The following TADA2A variants were observed in gnomAD, a reference collection of about 807,000 sequenced individuals.
TADA2A encodes the protein transcriptional adapter 2-alpha.
A neutral mutation model predicts 67.4 loss-of-function variants in TADA2A; 38 were observed. That is an observed-to-expected ratio of 0.56 (90% CI 0.44 to 0.74). The LOEUF (loss-of-function observed/expected upper bound fraction) is 0.74, where lower values mean the gene tolerates loss of function less well. Among genes scored for constraint, TADA2A ranks in the 30% least tolerant of loss-of-function variants. The probability of loss-of-function intolerance (pLI) is 0.00; values close to 1 mark genes in which losing one functional copy is unlikely to be tolerated. For synonymous variants in TADA2A, 192 were observed against 181.6 expected, an observed-to-expected ratio of 1.06 and a Z score of -0.46; for missense variants, 454 against 547.0, an observed-to-expected ratio of 0.83 and a Z score of 1.70.
intron 14 of TADA2A, among the ~76,000 whole-genome samples, chr17:37,472,241 C>CTT (rs1366105650): frequency 6.6e-6 from 1 of 151,650 alleles, no homozygotes; most frequent in Admixed American, 6.6e-5. Context: ...GATTTTTGTA[C>CTT]TTTCAGTAGA....
At chr17:37,471,181 G>T in intron 14 of TADA2A, 44 bp downstream of exon 14, 1 of 1,597,736 alleles carries the variant, frequency 6.3e-7, no homozygotes, top group Non-Finnish European at 8.6e-7. Flanking sequence ...TGTGAAGTTT[G>T]CATCGTAGGG....
At chr17:37,465,063 G>T (rs1299348762) in intron 10 of TADA2A, among the ~76,000 whole-genome samples, 1 of 150,804 alleles carries the variant, frequency 6.6e-6, no homozygotes, top group African/African-American at 2.4e-5. Flanking sequence ...TAGGAGAATT[G>T]CTTGAATCCA....
intron 15 of TADA2A, among the ~76,000 whole-genome samples, chr17:37,475,700 A>G (rs529270621): frequency 3.9e-5 from 6 of 152,322 alleles, no homozygotes; most frequent in African/African-American, 1.2e-4. Context: ...TCCTGACTTC[A>G]GGTGATCCAC....
At chr17:37,412,848 G>T (rs985788979) in intron 2 of TADA2A, among the ~76,000 whole-genome samples, 1 of 152,002 alleles carries the variant, frequency 6.6e-6, no homozygotes, top group African/African-American at 2.4e-5. Flanking sequence ...GGCAGAAATA[G>T]AAATTCCATT....
intron 15 of TADA2A, among the ~76,000 whole-genome samples, chr17:37,474,854 C>T (rs2053861230): frequency 6.6e-6 from 1 of 152,160 alleles, no homozygotes; most frequent in African/African-American, 2.4e-5. Flanking sequence ...TTGGGGAAAG[C>T]ACATGTGGTA....
chr17:37,421,823 C>T (rs2052239784), intron 2 of TADA2A, among the ~76,000 whole-genome samples: 1 of 27,052 alleles, frequency 3.7e-5, no homozygotes, highest in Non-Finnish European at 5.3e-5. Flanking sequence ...TTATTTGCCC[C>T]AACTTTTTAT....
At chr17:37,415,863 A>C (rs2052026134) in intron 2 of TADA2A, among the ~76,000 whole-genome samples, 2 of 140,166 alleles carry the variant, frequency 1.4e-5, no homozygotes. Context: ...GACAAGAGTG[A>C]AACTCCTTCT....
intron 7 of TADA2A, 109 bp downstream of exon 7, chr17:37,442,761 G>T: frequency 9.7e-7 from 1 of 1,033,688 alleles, no homozygotes; most frequent in Non-Finnish European, 1.4e-6. Flanking sequence ...ATTTTTCAAG[G>T]CACTATAATT....
chr17:37,445,414 T>G (rs1286975269), intron 8 of TADA2A, among the ~76,000 whole-genome samples: 2 of 152,144 alleles, frequency 1.3e-5, no homozygotes, highest in East Asian at 3.9e-4. Context: ...TACAGGTGTT[T>G]GCCACCATGC....
chr17:37,449,284 G>A (rs2053167866), intron 8 of TADA2A, among the ~76,000 whole-genome samples: 1 of 152,208 alleles, frequency 6.6e-6, no homozygotes, highest in South Asian at 2.1e-4. Flanking sequence ...GCCTCCCAAA[G>A]TGCTGGGATT....
intron 4 of TADA2A, among the ~76,000 whole-genome samples, chr17:37,435,790 G>A (rs1443121673): frequency 6.6e-6 from 1 of 152,024 alleles, no homozygotes; most frequent in Non-Finnish European, 1.5e-5. Context: ...ATCTTGCCCA[G>A]GCTGGTCTCA....
Position 37,420,794 on chromosome 17 carries a change from TG to T in TADA2A, c.26-2714del, listed in dbSNP as rs544135327. On this transcript the variant is annotated intron_variant, in intron 2 of 15. Transcript: ENST00000615182. Reference sequence around the variant, plus strand: ...TCTTGGACTTTAGGGAGGCAAATACTGTTACAGAATGTGAGAAATCCTGTTC... The same window carrying T: ...TCTTGGACTTTAGGGAGGCAAATACTTTACAGAATGTGAGAAATCCTGTTC... Among the ~76,000 whole-genome samples, 37 of 147,096 alleles carry T rather than the reference TG, an allele frequency of 2.5e-4. 6 individuals carry two copies. The highest frequency in any genetic ancestry group is 4.4e-4 in the Non-Finnish European group (29 of 65,854).
chr17:37,458,481 T>C, intron 8 of TADA2A, 43 bp from the exon 9 acceptor site: 1 of 1,268,434 alleles, frequency 7.9e-7, no homozygotes, highest in Non-Finnish European at 1.0e-6. Context: ...ATATAATATA[T>C]ATATGATATG....
intron 8 of TADA2A, among the ~76,000 whole-genome samples, chr17:37,448,593 A>C (rs1410879460): frequency 6.6e-6 from 1 of 151,348 alleles, no homozygotes; most frequent in Non-Finnish European, 1.5e-5. Context: ...CTCTTTCCCC[A>C]TCTCCTTTCA....
intron 2 of TADA2A, among the ~76,000 whole-genome samples, chr17:37,422,538 G>C (rs2052277579): frequency 7.9e-6 from 1 of 126,170 alleles, no homozygotes; most frequent in Non-Finnish European, 1.7e-5. Flanking sequence ...GCAGGGTCTA[G>C]CTCTGTCGCC....
chr17:37,423,232 A>C (rs915135963), intron 2 of TADA2A, among the ~76,000 whole-genome samples: 2 of 152,208 alleles, frequency 1.3e-5, no homozygotes, highest in African/African-American at 4.8e-5. Context: ...CCCTGTCTCT[A>C]AAAATATATA....
In TADA2A at chr17:37,421,972, G is replaced by A. The variant is rs187216414; in HGVS notation, c.26-1537G>A. ...CGGATCACTGCAACCTCCGCCTCCC[G>A]GGTTCAAGCAGTTCTTCTGCCTCAG... On this transcript the variant is annotated intron_variant, in intron 2 of 15. Coordinates refer to ENST00000615182, the MANE Select transcript of TADA2A (RefSeq NM_001166105.3). Among the ~76,000 whole-genome samples, 167 of 145,460 alleles carry A rather than the reference G, an allele frequency of 1.1e-3. 20 individuals carry two copies. Among genetic ancestry groups the A allele is most frequent in the East Asian group, 2.0e-3 (9 of 4,612 alleles).
chr17:37,443,566 C>CT (rs112803533), intron 7 of TADA2A, among the ~76,000 whole-genome samples: 146 of 152,208 alleles, frequency 9.6e-4, no homozygotes, highest in African/African-American at 3.4e-3. Flanking sequence ...TAGTCTGGTT[C>CT]TTATTGTACA....
intron 11 of TADA2A, 60 bp from the exon 12 acceptor site, chr17:37,467,394 G>A: frequency 7.3e-7 from 1 of 1,377,586 alleles, no homozygotes; most frequent in Middle Eastern, 1.8e-4. Context: ...TAGCAAAAGT[G>A]CTCACTAATG....
Sources: gnomAD v4.1 joint callset for allele counts (sites outside exome capture counted in the v4.1 genomes callset) on GRCh38, gnomAD v4.1.1 for gene constraint, MANE v1.5 for transcripts, NCBI Gene and HGNC (gene_info 2026-07-23, HGNC 2026-07-21) for gene names.